DDX11: variants seen among roughly 807,000 people sequenced by gnomAD.
DDX11 encodes DEAD/H-box helicase 11.
In DDX11, 72 loss-of-function variants were observed where a neutral mutation model predicts 125.2. The observed-to-expected ratio is 0.58, with a 90% confidence interval of 0.48 to 0.70. DDX11 has a LOEUF of 0.70. DDX11 is among the 30% of genes least tolerant of loss of function. The pLI is 0.00. For synonymous variants in DDX11, 347 were observed against 452.6 expected (o/e 0.77, Z 2.96); for missense variants, 883 against 1,165.0 (o/e 0.76, Z 3.52).
In DDX11 at chr12:31,100,679, A is replaced by C. The variant is rs1325510778; in HGVS notation, c.1920A>C (p.Glu640Asp). Residue 640 changes from glutamate to aspartate, a missense_variant, in exon 19 of 27, where the codon GAA becomes GAC. By Grantham distance (45) the Glu-to-Asp change is conservative. This residue lies in a region of DDX11 where 2 missense variants were observed against 19.9 expected (regional missense o/e 0.10). Coordinates refer to ENST00000542838, the MANE Select transcript of DDX11 (RefSeq NM_030653.4). ...AGCTGCTGGCCTGTGCCGGGGTGGA[A>C]GCTGAGCGCGTGGTGGAGTTTTCCT... ...RQQLLACAGV[E>D]AERVVEFSCG... 5.2e-6 allele frequency: 8 copies of C among 1,552,870 alleles called. No homozygotes were observed. Among genetic ancestry groups the C allele is most frequent in the Admixed American group, 2.0e-5 (1 of 51,154 alleles).
intron 2 of DDX11, among the ~76,000 whole-genome samples, 174 bp downstream of exon 2, chr12:31,078,711 G>A (rs1328518257): frequency 2.1e-5 from 3 of 144,972 alleles, no homozygotes; most frequent in South Asian, 4.5e-4. Flanking sequence ...TTTTTGAGAC[G>A]GAGTCTCGCT....
At chr12:31,093,587 G>A (rs981695579) in intron 12 of DDX11, 22 of 457,382 alleles carry the variant, frequency 4.8e-5, no homozygotes, top group Non-Finnish European at 5.4e-5. Context: ...GAGTGTTGCC[G>A]TGGCCTGTAG....
chr12:31,089,790 A>G lies in DDX11; in HGVS notation c.881-96A>G, dbSNP rs2352629. On this transcript the variant is annotated intron_variant, in intron 8 of 26. Coordinates refer to ENST00000542838, the MANE Select transcript of DDX11 (RefSeq NM_030653.4). ...GGGAGGGTCTTATAGACCCTACCCC[A>G]TGGAAGTGGGTCTCAACATTACACA... 10 of 1,550,340 alleles carry G rather than the reference A, an allele frequency of 6.5e-6. No individual in the cohort carries two copies. In the South Asian group the frequency reaches 1.1e-4, roughly 17 times the overall value.
At chr12:31,088,076 C>T (rs1322802942) in intron 6 of DDX11, 93 bp downstream of exon 6, 3 of 1,550,698 alleles carry the variant, frequency 1.9e-6, no homozygotes, top group South Asian at 1.2e-5. Context: ...GGCTACTTCT[C>T]ACCCTCCTCT....
At position 31,083,768 on chromosome 12, in the gene DDX11, G is replaced by C. The variant is rs568245793; in HGVS notation, c.145-45G>C. ...AAAATGGGGAAAGGTCATTTGGGAG[G>C]CTTTGTTGTTTTCCTGTTTCTAAAG... On this transcript the variant is annotated intron_variant, in intron 2 of 26. Coordinates refer to ENST00000542838, the MANE Select transcript of DDX11 (RefSeq NM_030653.4). The C allele has an allele frequency of 7.2e-5, 115 of 1,601,434 alleles. No individual in the cohort carries two copies. In the African/African-American group the frequency reaches 1.4e-3, roughly 20 times the overall value.
chr12:31,088,084 T>G, intron 6 of DDX11, 101 bp downstream of exon 6: 1 of 1,537,576 alleles, frequency 6.5e-7, no homozygotes, highest in Non-Finnish European at 8.8e-7. Context: ...CTCACCCTCC[T>G]CTCCACAAAG....
Position 31,101,095 on chromosome 12 carries a change from G to A in DDX11, c.2017G>A (p.Glu673Lys). 6.2e-7 allele frequency: 1 copy of A among 1,614,180 alleles called. No homozygotes were observed. The change falls in exon 20 of 27, where the codon GAA becomes AAA. Residue 673 changes from glutamate to lysine, a missense_variant. Coordinates refer to ENST00000542838, the MANE Select transcript of DDX11 (RefSeq NM_030653.4). Reference protein sequence around the residue: ...ICSGISNQPLEFTFQKRELPQ... With the variant: ...ICSGISNQPLKFTFQKRELPQ... ...CAGCGGGATCTCCAACCAGCCGCTG[G>A]AATTCACGTTCCAGAAAAGAGAGCT...
chr12:31,093,335 C>T lies in DDX11; in HGVS notation c.1369+11C>T, dbSNP rs745812988. 1.4e-5 allele frequency: 22 copies of T among 1,613,692 alleles called. No individual in the cohort carries two copies. In the African/African-American group the frequency reaches 2.1e-4, roughly 16 times the overall value. On this transcript the variant is annotated intron_variant, in intron 12 of 26. Transcript: ENST00000542838. ...TGGCTGTGCTAGGGGGTGAGAGCCT[C>T]GTCCCCCTGCTGACCCCGGGCCTGC...
chr12:31,074,445 A>C (rs1449565837), intron 1 of DDX11: 3 of 152,254 alleles, frequency 2.0e-5, no homozygotes, highest in African/African-American at 7.2e-5. Context: ...GAGCCGATAA[A>C]GTTAGCTGCA....
intron 5 of DDX11, among the ~76,000 whole-genome samples, chr12:31,085,843 T>C (rs1943026813): frequency 6.6e-6 from 1 of 152,040 alleles, no homozygotes; most frequent in Non-Finnish European, 1.5e-5. Context: ...GAAGTCAGCA[T>C]GTTTGCCTAC....
At chr12:31,077,289 G>A (rs2241287) in intron 1 of DDX11, among the ~76,000 whole-genome samples, 80,571 of 151,532 alleles carry the variant, frequency 0.53, 22,530 homozygotes, top group East Asian at 0.82. Flanking sequence ...TTAGGTTCAG[G>A]AGAGGAGAAA....
At chr12:31,084,452 C>A in intron 3 of DDX11, 131 bp from the exon 4 acceptor site, 1 of 852,502 alleles carries the variant, frequency 1.2e-6, no homozygotes, top group Non-Finnish European at 2.0e-6. Flanking sequence ...GATGCGGCAG[C>A]CCTTGAGTGC....
intron 1 of DDX11, among the ~76,000 whole-genome samples, chr12:31,075,034 A>G (rs1055820131): frequency 2.0e-5 from 3 of 152,164 alleles, no homozygotes; most frequent in African/African-American, 7.2e-5. Context: ...TTAAGAACTA[A>G]TATGTTCCTG....
At chr12:31,086,536 A>G (rs189064497) in intron 5 of DDX11, among the ~76,000 whole-genome samples, 313 of 152,212 alleles carry the variant, frequency 2.1e-3, no homozygotes, top group African/African-American at 7.1e-3. Flanking sequence ...AGAGGGGGTC[A>G]TAAACAGTTT....
chr12:31,079,814 T>G (rs1315643810), intron 2 of DDX11, among the ~76,000 whole-genome samples: 22 of 151,758 alleles, frequency 1.4e-4, no homozygotes, highest in South Asian at 4.2e-4. Context: ...GTTTTGTTTT[T>G]GTTCTTTAAA....
Position 31,089,316 on chromosome 12 carries a change from G to T in DDX11, c.793-87G>T, listed in dbSNP as rs911343757. On this transcript the variant is annotated intron_variant, in intron 7 of 26. Transcript: ENST00000542838. ...CGGCCCAGCACTGGAAGGCAAAGGA[G>T]AGGTGGCGGGGCAGGTCCACGTGTG... is the stretch of plus-strand genomic sequence containing the variant. The T allele has an allele frequency of 1.3e-5, 19 of 1,494,654 alleles. 1 individual carries two copies. In the South Asian group the frequency reaches 1.5e-4, roughly 12 times the overall value. 92.6% of individuals were successfully genotyped at this position (1,494,654 alleles called of 1,614,324 possible).
In DDX11 at chr12:31,101,306, G is replaced by A. The variant is rs528155312; in HGVS notation, c.2052+176G>A. On this transcript the variant is annotated intron_variant, in intron 20 of 26. Transcript: ENST00000542838. ...TCGATCTAGATGCTTATGGAGGAAG[G>A]TCTGAGCTTCCCCGCCCCTCACGCC... 19 of 658,678 alleles carry A rather than the reference G, an allele frequency of 2.9e-5. No individual in the cohort carries two copies. In the South Asian group the frequency reaches 3.0e-4, roughly 11 times the overall value. The allele number at this position is 658,678 out of a possible 1,614,324, so 40.8% of individuals were successfully genotyped here. A position where few individuals can be genotyped will look rare whatever the true frequency, so the allele number is the denominator to read the frequency against.
chr12:31,083,784 G>A (rs1467738152), intron 2 of DDX11, 29 bp from the exon 3 acceptor site: 1 of 1,610,746 alleles, frequency 6.2e-7, no homozygotes, highest in Non-Finnish European at 8.5e-7. Flanking sequence ...TTGTTTTCCT[G>A]TTTCTAAAGA....
intron 1 of DDX11, among the ~76,000 whole-genome samples, chr12:31,077,496 C>T (rs566792036): frequency 1.3e-5 from 2 of 151,836 alleles, no homozygotes; most frequent in Admixed American, 6.6e-5. Flanking sequence ...TGGCTCTGTT[C>T]GGTGCTGGAA....
Sources: allele counts gnomAD v4.1 joint callset (sites outside exome capture counted in the v4.1 genomes callset), GRCh38; gene constraint gnomAD v4.1.1; regional missense constraint gnomAD v4.1.1; transcripts MANE v1.5; gene names NCBI Gene and HGNC (gene_info 2026-07-23, HGNC 2026-07-21).